The following SMOC1 variants were observed in gnomAD, a reference collection of about 807,000 sequenced individuals.
The protein encoded by SMOC1 is SPARC-related modular calcium-binding protein 1.
A neutral mutation model predicts 56.3 loss-of-function variants in SMOC1; 22 were observed. The ratio of observed to expected loss-of-function variants is 0.39; its 90% confidence interval spans 0.28 to 0.56. SMOC1 has a LOEUF of 0.56. SMOC1 is among the 20% of genes least tolerant of loss of function. The pLI, the probability that SMOC1 is intolerant of heterozygous loss-of-function variation, is 0.61. For missense variants in SMOC1, 509 were observed against 565.4 expected (o/e 0.90, Z 1.01); for synonymous variants, 193 against 215.0 (o/e 0.90, Z 0.89).
At chr14:69,965,947 A>G (rs1883560053) in intron 3 of SMOC1, among the ~76,000 whole-genome samples, 1 of 152,134 alleles carries the variant, frequency 6.6e-6, no homozygotes, top group South Asian at 2.1e-4. Flanking sequence ...AATTGAAGGG[A>G]TCAGAATTTT....
intron 7 of SMOC1, among the ~76,000 whole-genome samples, chr14:70,009,054 G>A (rs1361839911): frequency 6.6e-6 from 1 of 152,172 alleles, no homozygotes; most frequent in Non-Finnish European, 1.5e-5. Context: ...CAAGTCTGAT[G>A]TCTGTCAGCT....
chr14:69,947,548 C>G (rs1244019355), intron 1 of SMOC1, among the ~76,000 whole-genome samples: 1 of 152,142 alleles, frequency 6.6e-6, no homozygotes, highest in Non-Finnish European at 1.5e-5. Flanking sequence ...TTCTCCAGAT[C>G]AGCTTCTTTT....
At chr14:69,940,123 T>C (rs1001580239) in intron 1 of SMOC1, among the ~76,000 whole-genome samples, 5 of 152,202 alleles carry the variant, frequency 3.3e-5, no homozygotes, top group Non-Finnish European at 7.3e-5. Context: ...CGAAAACAAT[T>C]CTGTCTGTTT....
intron 4 of SMOC1, among the ~76,000 whole-genome samples, chr14:69,976,078 A>G (rs1883941454): frequency 6.6e-6 from 1 of 152,198 alleles, no homozygotes; most frequent in Admixed American, 6.5e-5. Flanking sequence ...CTGTAATCTC[A>G]TAGAGCTGTG....
chr14:69,984,077 G>T (rs957238171), intron 5 of SMOC1, among the ~76,000 whole-genome samples: 8 of 152,214 alleles, frequency 5.3e-5, no homozygotes, highest in African/African-American at 1.9e-4. Flanking sequence ...ATTTTAAGAT[G>T]AATAAAGCTA....
chr14:70,018,406 A>G (rs1885595757), intron 10 of SMOC1, among the ~76,000 whole-genome samples: 2 of 152,314 alleles, frequency 1.3e-5, no homozygotes, highest in South Asian at 4.1e-4. Context: ...CAGTGCTACA[A>G]AGATCTAAAA....
intron 10 of SMOC1, among the ~76,000 whole-genome samples, chr14:70,017,353 A>T (rs1051312006): frequency 1.1e-4 from 17 of 152,204 alleles, no homozygotes. Context: ...GAGCAGAGGT[A>T]TGAGGCAGCT....
intron 1 of SMOC1, among the ~76,000 whole-genome samples, chr14:69,908,481 T>C (rs1220584770): frequency 6.6e-6 from 1 of 152,174 alleles, no homozygotes; most frequent in Non-Finnish European, 1.5e-5. Context: ...TTGCATCTTC[T>C]TGGTGGCTGC....
At position 69,975,210 on chromosome 14, in the gene SMOC1, G is replaced by T. The variant is rs375480600; in HGVS notation, c.379-505G>T. Among the ~76,000 whole-genome samples, 17 of 152,268 alleles carry T rather than the reference G, an allele frequency of 1.1e-4. No individual in the cohort carries two copies. In the South Asian group the frequency reaches 3.5e-3, roughly 32 times the overall value. On this transcript the variant is annotated intron_variant, in intron 3 of 11. Transcript: ENST00000361956. Reference sequence around the variant, plus strand: ...ATACAAAAATCAGCCTGGTGTGGTGGTGCATGCTTGTAATCCTAGCTACTT... The same window carrying T: ...ATACAAAAATCAGCCTGGTGTGGTGTTGCATGCTTGTAATCCTAGCTACTT...
intron 1 of SMOC1, among the ~76,000 whole-genome samples, chr14:69,928,033 T>G (rs1004969683): frequency 6.6e-6 from 1 of 152,158 alleles, no homozygotes; most frequent in Non-Finnish European, 1.5e-5. Context: ...CTGGGCACGA[T>G]GCAGTGCGAT....
intron 11 of SMOC1, among the ~76,000 whole-genome samples, chr14:70,025,711 C>A: frequency 6.6e-6 from 1 of 152,232 alleles, no homozygotes; most frequent in Non-Finnish European, 1.5e-5. Flanking sequence ...ATCCGATATG[C>A]TCCAGTGAGC....
chr14:69,995,218 A>G (rs1180425700), intron 7 of SMOC1, among the ~76,000 whole-genome samples: 1 of 152,212 alleles, frequency 6.6e-6, no homozygotes, highest in East Asian at 1.9e-4. Flanking sequence ...CAAGACTATG[A>G]ACAAAAGATA....
intron 7 of SMOC1, among the ~76,000 whole-genome samples, chr14:70,008,190 C>T (rs115759517): frequency 7.9e-5 from 12 of 151,950 alleles, no homozygotes; most frequent in African/African-American, 2.9e-4. Context: ...AGTGCAGTGG[C>T]GTGATCATGG....
In SMOC1 at chr14:69,913,891, A is replaced by T. The variant is rs1433047616; in HGVS notation, c.99+34114A>T. On this transcript the variant is annotated intron_variant, in intron 1 of 11. Coordinates refer to ENST00000361956, the MANE Select transcript of SMOC1 (RefSeq NM_001034852.3). Reference sequence around the variant, plus strand: ...TGGCTCATTCCTTGCCTGTTTAGAGAAGCTTTTTAGAGTATATGTCTTCTG... The same window carrying T: ...TGGCTCATTCCTTGCCTGTTTAGAGTAGCTTTTTAGAGTATATGTCTTCTG... 3.9e-5 allele frequency among the ~76,000 whole-genome samples: 6 copies of T among 152,156 alleles called. No individual in the cohort carries two copies. In the East Asian group the frequency reaches 1.2e-3, roughly 29 times the overall value.
chr14:70,021,806 GA>G (rs1286453955), intron 10 of SMOC1, among the ~76,000 whole-genome samples: 1 of 152,206 alleles, frequency 6.6e-6, no homozygotes, highest in East Asian at 1.9e-4. Flanking sequence ...GTTCACAGGG[GA>G]GGGGTCAGAG....
At chr14:69,929,509 C>T (rs548479989) in intron 1 of SMOC1, among the ~76,000 whole-genome samples, 5 of 152,296 alleles carry the variant, frequency 3.3e-5, no homozygotes, top group African/African-American at 9.6e-5. Context: ...TGATTCTAAA[C>T]GCCATACTCT....
intron 7 of SMOC1, among the ~76,000 whole-genome samples, chr14:70,005,871 C>T (rs762642468): frequency 1.1e-4 from 16 of 152,246 alleles, no homozygotes; most frequent in Non-Finnish European, 1.8e-4. Context: ...TACAGATGGT[C>T]CTGGCCCATT....
chr14:69,929,578 ATTGGGGTGTTT>A (rs1425687820), intron 1 of SMOC1, among the ~76,000 whole-genome samples: 1 of 152,114 alleles, frequency 6.6e-6, no homozygotes, highest in African/African-American at 2.4e-5. Flanking sequence ...TTTCTAAGAC[ATTGGGGTGTTT>A]TAGAGACATG....
At chr14:69,938,262 C>A (rs1882401299) in intron 1 of SMOC1, among the ~76,000 whole-genome samples, 1 of 152,148 alleles carries the variant, frequency 6.6e-6, no homozygotes, top group African/African-American at 2.4e-5. Context: ...TACTCTGCCT[C>A]TTCTTCCTGC....
Sources: allele counts gnomAD v4.1 joint callset (sites outside exome capture counted in the v4.1 genomes callset), GRCh38; gene constraint gnomAD v4.1.1; transcripts MANE v1.5; gene names NCBI Gene and HGNC (gene_info 2026-07-23, HGNC 2026-07-21).